ASRGL1: variants seen among roughly 807,000 people sequenced by gnomAD.
ASRGL1 encodes asparaginase and isoaspartyl peptidase 1, also known as isoaspartyl peptidase/L-asparaginase.
Under a neutral mutation model 22.4 loss-of-function variants are expected in ASRGL1, and 16 were observed. The ratio of observed to expected loss-of-function variants is 0.71; its 90% CI spans 0.48 to 1.08. The LOEUF is 1.08. ASRGL1 is among the 50% of genes least tolerant of loss of function. The pLI is 0.00. For synonymous variants in ASRGL1, 165 were observed against 159.3 expected, an observed-to-expected ratio of 1.04 and a Z score of -0.27; for missense variants, 412 against 410.1, an observed-to-expected ratio of 1.00 and a Z score of -0.04.
chr11:62,368,717 G>T (rs1414357205), intron 4 of ASRGL1, among the ~76,000 whole-genome samples: 1 of 152,080 alleles, frequency 6.6e-6, no homozygotes. Flanking sequence ...AGGACAATAG[G>T]GTAATAGTGG....
intron 6 of ASRGL1, 197 bp from the exon 7 acceptor site, chr11:62,391,882 G>A (rs1431969239): frequency 2.7e-6 from 2 of 745,572 alleles, no homozygotes; most frequent in African/African-American, 1.8e-5. Flanking sequence ...GGATGTGGGA[G>A]GGAAGACCCC....
rs546952709 is a variant in ASRGL1, at chr11:62,392,804, C to A, written c.*520C>A. 4.8e-4 allele frequency: 77 copies of A among 161,912 alleles called. No homozygotes were observed. Among genetic ancestry groups the A allele is most frequent in the Middle Eastern group, 3.3e-3 (1 of 304 alleles). The allele number at this position is 161,912 out of a possible 1,614,324, so 10.0% of individuals were successfully genotyped here. On this transcript the variant is annotated 3_prime_UTR_variant, in exon 7 of 7. Transcript: ENST00000415229. ...GAACATCAGGGAAAAGAACCAGAAT[C>A]CTTTAAGGAAAATGTTCTTCATGTA...
At chr11:62,372,878 G>A in intron 4 of ASRGL1, 2 of 1,602,436 alleles carry the variant, frequency 1.2e-6, no homozygotes, top group Non-Finnish European at 1.7e-6. Context: ...CAAAAGCAGT[G>A]CAGGACCTCT....
chr11:62,348,056 G>T (rs541917493), intron 2 of ASRGL1, among the ~76,000 whole-genome samples: 6 of 152,290 alleles, frequency 3.9e-5, no homozygotes, highest in Middle Eastern at 3.4e-3. Flanking sequence ...CATAAGTGAT[G>T]TAGACATTGT....
At position 62,356,153 on chromosome 11, in the gene ASRGL1, G is replaced by A. The variant is rs113527611; in HGVS notation, c.191-172G>A. On this transcript the variant is annotated intron_variant, in intron 2 of 6. Transcript: ENST00000415229. ...GCTGTTGGGTACACCTCCCAGACAG[G>A]GTGGTGGCGGGGCAGAGGGGCTCCT... 5.1e-3 allele frequency among the ~76,000 whole-genome samples: 778 copies of A among 152,332 alleles called. 2 individuals carry two copies. The highest frequency in any genetic ancestry group is 0.015 in the African/African-American group (617 of 41,580).
chr11:62,386,692 A>T (rs984011928), intron 4 of ASRGL1, among the ~76,000 whole-genome samples: 1 of 152,172 alleles, frequency 6.6e-6, no homozygotes, highest in Non-Finnish European at 1.5e-5. Flanking sequence ...ACAGATACAC[A>T]GGTGTATAAT....
At chr11:62,399,024 T>C in the ASRGL1 span, among the ~76,000 whole-genome samples, 3 of 152,076 alleles carry the variant, frequency 2.0e-5, 1 homozygote, top group Middle Eastern at 6.3e-3. Flanking sequence ...CAGAATTAGC[T>C]GGACGTGGTG....
At chr11:62,351,636 G>T (rs952892328) in intron 2 of ASRGL1, among the ~76,000 whole-genome samples, 1 of 149,654 alleles carries the variant, frequency 6.7e-6, no homozygotes, top group African/African-American at 2.5e-5. Flanking sequence ...GGCGACAAGG[G>T]TGAAACTCAT....
intron 4 of ASRGL1, among the ~76,000 whole-genome samples, chr11:62,362,578 ATATAAAATATATAATATATAT>A (rs1946478803): frequency 1.7e-5 from 1 of 59,986 alleles, no homozygotes; most frequent in Non-Finnish European, 3.1e-5. Context: ...AATATATATT[ATATAAAATATATAATATATAT>A]TATATAAAAT....
the ASRGL1 span, among the ~76,000 whole-genome samples, chr11:62,399,825 G>A: frequency 6.6e-6 from 1 of 152,200 alleles, no homozygotes; most frequent in Non-Finnish European, 1.5e-5. Flanking sequence ...TGCCACCCTG[G>A]CCCTGCCTGG....
At chr11:62,342,438 G>A (rs918241227) in intron 2 of ASRGL1, among the ~76,000 whole-genome samples, 1 of 152,196 alleles carries the variant, frequency 6.6e-6, no homozygotes, top group Admixed American at 6.5e-5. Flanking sequence ...AGAAGTTACT[G>A]TTTATTCCTA....
intron 2 of ASRGL1, among the ~76,000 whole-genome samples, chr11:62,344,431 G>GT (rs1243264110): frequency 1.3e-5 from 2 of 151,482 alleles, no homozygotes; most frequent in Admixed American, 6.6e-5. Flanking sequence ...CAGTTTATCA[G>GT]TTTTTTTTTA....
At chr11:62,348,501 C>T (rs1946086851) in intron 2 of ASRGL1, among the ~76,000 whole-genome samples, 2 of 151,732 alleles carry the variant, frequency 1.3e-5, no homozygotes, top group Non-Finnish European at 2.9e-5. Flanking sequence ...GTCAGGAGAT[C>T]GAGACCAGCC....
intron 4 of ASRGL1, among the ~76,000 whole-genome samples, chr11:62,373,982 G>A (rs1258785214): frequency 3.9e-5 from 6 of 152,318 alleles, no homozygotes; most frequent in South Asian, 2.1e-4. Flanking sequence ...CTTGTCACAC[G>A]CACTCGCCAA....
In ASRGL1 at chr11:62,357,130, AAC is replaced by A. The variant is rs747161185; in HGVS notation, c.479_480del (p.Thr160ArgfsTer31). 6 of 1,613,276 alleles carry A rather than the reference AAC, an allele frequency of 3.7e-6. No homozygotes were observed. Among genetic ancestry groups the A allele is most frequent in the Non-Finnish European group, 5.1e-6 (6 of 1,179,810 alleles). ...KEKHEKGAQK[T>X]DCQKNLGTVG... Reference sequence around the variant, plus strand: ...AGAAGCATGAAAAAGGTGCTCAGAAAACAGATTGTCAAAAGTAAGTCTTACCT... The same window carrying A: ...AGAAGCATGAAAAAGGTGCTCAGAAAAGATTGTCAAAAGTAAGTCTTACCT... On this transcript the variant is annotated frameshift_variant, in exon 4 of 7. Coordinates refer to ENST00000415229, the MANE Select transcript of ASRGL1 (RefSeq NM_001083926.2). LOFTEE classifies it high-confidence loss of function.
chr11:62,375,035 C>T (rs1946876571), intron 4 of ASRGL1, among the ~76,000 whole-genome samples: 2 of 151,746 alleles, frequency 1.3e-5, no homozygotes, highest in African/African-American at 4.8e-5. Context: ...AGGAGCCGCC[C>T]TGGGCAGAGC....
At chr11:62,343,154 G>T (rs1288256232) in intron 2 of ASRGL1, among the ~76,000 whole-genome samples, 1 of 152,024 alleles carries the variant, frequency 6.6e-6, no homozygotes, top group East Asian at 1.9e-4. Flanking sequence ...GAGGCAGGCG[G>T]ATTACCTGAG....
downstream of ASRGL1, among the ~76,000 whole-genome samples, chr11:62,394,359 G>T (rs1478985531): frequency 7.1e-6 from 1 of 139,972 alleles, no homozygotes; most frequent in African/African-American, 2.6e-5. Context: ...TATATAATAT[G>T]TAAATTATAA....
chr11:62,369,405 T>C (rs7112238), intron 4 of ASRGL1, among the ~76,000 whole-genome samples: 22,395 of 152,058 alleles, frequency 0.15, 2,137 homozygotes, highest in African/African-American at 0.27. Flanking sequence ...TATGTCTACT[T>C]CTTTCTACAT....
Sources: gnomAD v4.1 joint callset for allele counts (sites outside exome capture counted in the v4.1 genomes callset) on GRCh38, gnomAD v4.1.1 for gene constraint, MANE v1.5 for transcripts, NCBI Gene and HGNC (gene_info 2026-07-23, HGNC 2026-07-21) for gene names.